Variants in EPCIP observed in about 807,000 individuals in gnomAD.
EPCIP encodes exosomal polycystin 1 interacting protein.
chr21:32,800,726 G>T, the EPCIP span, among the ~76,000 whole-genome samples: 10 of 152,000 alleles, frequency 6.6e-5, no homozygotes, highest in East Asian at 1.9e-3. Flanking sequence ...TGAGGCAGGA[G>T]AATCGCTTGA....
At chr21:32,796,292 C>T in the EPCIP span, among the ~76,000 whole-genome samples, 57 of 152,254 alleles carry the variant, frequency 3.7e-4, no homozygotes, top group African/African-American at 1.2e-3. Flanking sequence ...GGGGCAAATG[C>T]AGGAGTTAGG....
chr21:32,794,600 C>T, the EPCIP span: 11 of 648,214 alleles, frequency 1.7e-5, no homozygotes, highest in African/African-American at 1.8e-4. Flanking sequence ...GTTCTAGTAA[C>T]TGTTTCCTGA....
chr21:32,794,467 C>A, the EPCIP span: 1 of 1,568,950 alleles, frequency 6.4e-7, no homozygotes, highest in Non-Finnish European at 8.7e-7. Context: ...TCTTTTTGAA[C>A]CAATTTGTTG....
At chr21:32,811,139 C>CT in the EPCIP span, among the ~76,000 whole-genome samples, 213 of 146,624 alleles carry the variant, frequency 1.5e-3, 2 homozygotes, top group African/African-American at 4.2e-3. Context: ...CCCCCCTCCC[C>CT]TTTTTTTTTT....
the EPCIP span, among the ~76,000 whole-genome samples, chr21:32,812,962 C>T: frequency 2.0e-5 from 3 of 152,150 alleles, no homozygotes; most frequent in African/African-American, 7.2e-5. Flanking sequence ...CACGAACTAT[C>T]CAATCCAAAT....
the EPCIP span, among the ~76,000 whole-genome samples, chr21:32,791,970 T>C: frequency 1.9e-4 from 29 of 151,772 alleles, no homozygotes; most frequent in Admixed American, 5.3e-4. Context: ...AGTGGCGCAA[T>C]CTTGGCTCAC....
chr21:32,809,807 C>G, the EPCIP span, among the ~76,000 whole-genome samples: 5 of 152,178 alleles, frequency 3.3e-5, no homozygotes, highest in South Asian at 1.0e-3. Flanking sequence ...TCTCCTCTTT[C>G]ATGACATTTT....
the EPCIP span, chr21:32,797,136 C>A: frequency 2.7e-6 from 1 of 370,158 alleles, no homozygotes; most frequent in Non-Finnish European, 5.5e-6. Context: ...AACAAAAACA[C>A]ATGCCTAGTG....
the EPCIP span, among the ~76,000 whole-genome samples, chr21:32,802,844 C>T: frequency 2.7e-3 from 410 of 152,240 alleles, 3 homozygotes; most frequent in Admixed American, 3.4e-3. Flanking sequence ...TGCAGTGGCG[C>T]GATCTCGGCT....
the EPCIP span, among the ~76,000 whole-genome samples, chr21:32,791,952 T>G: frequency 6.6e-6 from 1 of 151,884 alleles, no homozygotes; most frequent in African/African-American, 2.4e-5. Flanking sequence ...TTGCCCAGGC[T>G]GGAGTGCAGT....
At chr21:32,793,069 C>T in the EPCIP span, among the ~76,000 whole-genome samples, 1 of 152,062 alleles carries the variant, frequency 6.6e-6, no homozygotes, top group Non-Finnish European at 1.5e-5. Context: ...AAGCGATTCT[C>T]CTGCTCAGCC....
the EPCIP span, among the ~76,000 whole-genome samples, chr21:32,792,033 T>C: frequency 2.0e-5 from 3 of 152,050 alleles, no homozygotes; most frequent in African/African-American, 7.2e-5. Flanking sequence ...GCCTCCTGAG[T>C]AGCTGGGATT....
chr21:32,810,112 A>T, the EPCIP span, among the ~76,000 whole-genome samples: 1 of 151,966 alleles, frequency 6.6e-6, no homozygotes, highest in Non-Finnish European at 1.5e-5. Flanking sequence ...TTGACTTCCC[A>T]CAAGCATCTG....
chr21:32,800,822 CCAA>C, the EPCIP span, among the ~76,000 whole-genome samples: 120 of 11,864 alleles, frequency 0.01, no homozygotes, highest in African/African-American at 0.013. Flanking sequence ...AAAAAAAAAA[CCAA>C]AAAAAAAAAA....
chr21:32,809,182 C>CGTGTGTGTGTGTGTGTGTGT, the EPCIP span, among the ~76,000 whole-genome samples: 5 of 121,096 alleles, frequency 4.1e-5, no homozygotes, highest in African/African-American at 9.3e-5. Context: ...TCGAGGGGTG[C>CGTGTGTGTGTGTGTGTGTGT]GTGTGTGTGT....
chr21:32,796,575 T>G, the EPCIP span, among the ~76,000 whole-genome samples: 1 of 152,226 alleles, frequency 6.6e-6, no homozygotes, highest in Non-Finnish European at 1.5e-5. Flanking sequence ...GGCTTCTTAT[T>G]AAATGTATTA....
chr21:32,802,619 A>C, the EPCIP span, among the ~76,000 whole-genome samples: 1 of 152,146 alleles, frequency 6.6e-6, no homozygotes, highest in African/African-American at 2.4e-5. Context: ...TCTTTGGATA[A>C]ATTTGTTTCA....
chr21:32,796,034 CTCCT>C, the EPCIP span, among the ~76,000 whole-genome samples: 3,048 of 148,418 alleles, frequency 0.021, 31 homozygotes, highest in Middle Eastern at 0.034. Flanking sequence ...CCTTCCTTCC[CTCCT>C]TCCTTCCTTC....
the EPCIP span, among the ~76,000 whole-genome samples, chr21:32,792,467 C>A: frequency 6.6e-6 from 1 of 152,056 alleles, no homozygotes; most frequent in Admixed American, 6.6e-5. Context: ...AGGCTAGCCC[C>A]TAATGTAGTT....
Sources: gnomAD v4.1 joint callset for allele counts (sites outside exome capture counted in the v4.1 genomes callset) on GRCh38, gnomAD v4.1.1 for gene constraint, MANE v1.5 for transcripts, NCBI Gene and HGNC (gene_info 2026-07-23, HGNC 2026-07-21) for gene names.